Variants in RTN4RL1 observed in about 807,000 individuals in gnomAD.
The protein encoded by RTN4RL1 is reticulon 4 receptor like 1, also known as reticulon-4 receptor-like 1.
In RTN4RL1, 7 loss-of-function variants were observed where a neutral mutation model predicts 25.6. That is an observed-to-expected ratio of 0.27 (90% CI 0.16 to 0.51). RTN4RL1 has a LOEUF of 0.51. Among genes scored for constraint, RTN4RL1 ranks in the 20% least tolerant of loss-of-function variants. The pLI is 0.97. For synonymous variants in RTN4RL1, 297 were observed against 288.2 expected, an observed-to-expected ratio of 1.03 and a Z score of -0.31; for missense variants, 500 against 615.6, an observed-to-expected ratio of 0.81 and a Z score of 1.99.
chr17:1,937,700 T>C lies in RTN4RL1; in HGVS notation c.122A>G (p.Gln41Arg), dbSNP rs1915341362. The change falls in exon 2 of 2, where the codon CAG becomes CGG. Residue 41 changes from glutamine to arginine, a missense_variant. Gln to Arg is a conservative substitution (Grantham distance 43). Around this residue, in one of 2 missense-constraint regions of RTN4RL1, gnomAD observed 232 missense variants for 341.1 expected, o/e 0.68. Transcript: ENST00000331238. ...CYPAPMTVSC[Q>R]AHNFAAIPEG... is the part of the protein sequence containing the mutation. ...CGGGATGGCTGCAAAGTTGTGCGCC[T>C]GGCAGCTGACCGTCATGGGCGCCGG... The C allele has an allele frequency of 6.2e-7, 1 of 1,613,080 alleles. No homozygotes were observed. Among genetic ancestry groups the C allele is most frequent in the African/African-American group, 1.3e-5 (1 of 74,916 alleles).
intron 1 of RTN4RL1, among the ~76,000 whole-genome samples, chr17:1,951,466 T>G (rs927893874): frequency 2.0e-5 from 3 of 151,136 alleles, no homozygotes; most frequent in Non-Finnish European, 3.0e-5. Context: ...TTGTTTGTTT[T>G]TTTGGGACAG....
intron 1 of RTN4RL1, among the ~76,000 whole-genome samples, chr17:1,947,906 G>A (rs1030859783): frequency 2.6e-5 from 4 of 152,220 alleles, no homozygotes; most frequent in African/African-American, 7.2e-5. Flanking sequence ...GGGTCAGAGC[G>A]GCTGGCTCCT....
intron 1 of RTN4RL1, among the ~76,000 whole-genome samples, chr17:1,980,913 TGA>T (rs1350353191): frequency 1.2e-5 from 1 of 80,484 alleles, no homozygotes; most frequent in Non-Finnish European, 2.5e-5. Context: ...GGCCACAGAG[TGA>T]GATTCTATCT....
At chr17:1,975,331 ACT>A (rs1250609402) in intron 1 of RTN4RL1, among the ~76,000 whole-genome samples, 1 of 152,004 alleles carries the variant, frequency 6.6e-6, no homozygotes, top group Non-Finnish European at 1.5e-5. Flanking sequence ...GTGAGCTGAG[ACT>A]CTGCAGTTCA....
intron 1 of RTN4RL1, among the ~76,000 whole-genome samples, chr17:1,954,013 G>T (rs143904944): frequency 1.3e-5 from 2 of 152,214 alleles, no homozygotes; most frequent in African/African-American, 4.8e-5. Flanking sequence ...ATGTCAGCTT[G>T]CCAGGACTAC....
At chr17:1,980,144 G>C (rs1188073605) in intron 1 of RTN4RL1, among the ~76,000 whole-genome samples, 3 of 148,352 alleles carry the variant, frequency 2.0e-5, no homozygotes, top group Non-Finnish European at 4.4e-5. Context: ...GCTCACCAAA[G>C]CCTTGACCTC....
rs147400306 is a variant in RTN4RL1, at chr17:2,010,047, C to G, written c.13+14806G>C. Among the ~76,000 whole-genome samples the G allele has an allele frequency of 5.4e-5, 7 of 128,872 alleles. 1 individual carries two copies. The highest frequency in any genetic ancestry group is 9.8e-5 in the Non-Finnish European group (6 of 61,144). 84.5% of individuals were successfully genotyped at this position (128,872 alleles called of 152,430 possible). A position where few individuals can be genotyped will look rare whatever the true frequency, so the allele number is the denominator to read the frequency against. The stretch of plus-strand genomic sequence containing the variant: ...CCCTCACTTCGCTTAGGCCTCTGTT[C>G]GAATGTCCGTCTATCAGAAAGACTT... On this transcript the variant is annotated intron_variant, in intron 1 of 1. Transcript: ENST00000331238.
At chr17:1,976,637 G>A (rs576378715) in intron 1 of RTN4RL1, among the ~76,000 whole-genome samples, 3 of 152,332 alleles carry the variant, frequency 2.0e-5, no homozygotes, top group Admixed American at 6.5e-5. Flanking sequence ...GTTTATCTGA[G>A]TACCTAGTTA....
chr17:1,963,470 G>T (rs937634445), intron 1 of RTN4RL1, among the ~76,000 whole-genome samples: 1 of 152,180 alleles, frequency 6.6e-6, no homozygotes, highest in East Asian at 1.9e-4. Context: ...TGCCAGCCAG[G>T]CCTGTCCAGG....
intron 1 of RTN4RL1, among the ~76,000 whole-genome samples, chr17:2,013,149 G>A (rs2067071188): frequency 1.3e-5 from 2 of 152,148 alleles, no homozygotes; most frequent in South Asian, 4.1e-4. Flanking sequence ...ATAGGAAAGA[G>A]CATTTTCAGA....
chr17:1,971,934 C>T (rs1246487390), intron 1 of RTN4RL1, among the ~76,000 whole-genome samples: 1 of 141,488 alleles, frequency 7.1e-6, no homozygotes, highest in Non-Finnish European at 1.5e-5. Context: ...TGCACTCCAG[C>T]CTGGGCGACA....
chr17:1,946,893 CGT>C (rs1343452939), intron 1 of RTN4RL1, among the ~76,000 whole-genome samples: 8 of 104,308 alleles, frequency 7.7e-5, no homozygotes, highest in Non-Finnish European at 1.3e-4. Flanking sequence ...TGTGTGTGCA[CGT>C]GTGTCTGTGT....
In RTN4RL1 at chr17:1,937,055, G is replaced by C. The variant is rs202235318; in HGVS notation, c.767C>G (p.Pro256Arg). Reference protein sequence around the residue: ...ALEFLRLNGNPWDCGCRARSL... With the variant: ...ALEFLRLNGNRWDCGCRARSL... Reference sequence around the variant, plus strand: ...GCGCGCGCGACAACCACAGTCCCAGGGGTTGCCGTTGAGGCGGAGGAACTC... The same window carrying C: ...GCGCGCGCGACAACCACAGTCCCAGCGGTTGCCGTTGAGGCGGAGGAACTC... The change falls in exon 2 of 2, where the codon CCC becomes CGC. Residue 256 changes from proline to arginine, a missense_variant. Physicochemically the swap from Pro to Arg is moderately radical, Grantham distance 103 (BLOSUM62 -2). Coordinates refer to ENST00000331238, the MANE Select transcript of RTN4RL1 (RefSeq NM_178568.4). 3.1e-6 allele frequency: 5 copies of C among 1,605,572 alleles called. No individual in the cohort carries two copies. In the Admixed American group the frequency reaches 8.5e-5, roughly 27 times the overall value.
chr17:1,954,713 CCA>C (rs916629445), intron 1 of RTN4RL1, among the ~76,000 whole-genome samples: 2 of 152,174 alleles, frequency 1.3e-5, no homozygotes, highest in Non-Finnish European at 2.9e-5. Context: ...TCTCTCCACC[CCA>C]GAGGCGCAGC....
chr17:1,985,386 C>T (rs897130426), intron 1 of RTN4RL1, among the ~76,000 whole-genome samples: 3 of 152,204 alleles, frequency 2.0e-5, no homozygotes, highest in Non-Finnish European at 4.4e-5. Flanking sequence ...CCCCAGGGCT[C>T]GCAAGCCGCC....
At chr17:1,997,705 G>T (rs1305845644) in intron 1 of RTN4RL1, among the ~76,000 whole-genome samples, 2 of 152,112 alleles carry the variant, frequency 1.3e-5, no homozygotes, top group Admixed American at 1.3e-4. Flanking sequence ...TCCCTCTAGG[G>T]CACCCCTAGC....
intron 1 of RTN4RL1, among the ~76,000 whole-genome samples, chr17:2,008,830 T>C (rs2067021363): frequency 6.6e-6 from 1 of 152,216 alleles, no homozygotes; most frequent in African/African-American, 2.4e-5. Context: ...TGGGAGCAGG[T>C]ACCTCACCTC....
chr17:1,980,368 G>T (rs1423332821), intron 1 of RTN4RL1, among the ~76,000 whole-genome samples: 1 of 151,834 alleles, frequency 6.6e-6, no homozygotes, highest in African/African-American at 2.4e-5. Flanking sequence ...CCCATGCCTG[G>T]CCTGATATGT....
Position 1,984,954 on chromosome 17 carries a change from C to T in RTN4RL1, c.13+39899G>A, listed in dbSNP as rs138426140. Among the ~76,000 whole-genome samples the T allele has an allele frequency of 2.8e-3, 422 of 150,554 alleles. 2 individuals carry two copies. The highest frequency in any genetic ancestry group is 9.9e-3 in the African/African-American group (403 of 40,682). ...TGCATTCCAGCCTGGGCAACAAGAG[C>T]GAAACTCCATCTCAAAAAAAAAAAG... On this transcript the variant is annotated intron_variant, in intron 1 of 1. Transcript: ENST00000331238.
Sources: allele counts gnomAD v4.1 joint callset (sites outside exome capture counted in the v4.1 genomes callset), GRCh38; gene constraint gnomAD v4.1.1; regional missense constraint gnomAD v4.1.1; transcripts MANE v1.5; gene names NCBI Gene and HGNC (gene_info 2026-07-23, HGNC 2026-07-21).